ZBTB49: variants seen among roughly 807,000 people sequenced by gnomAD.
The protein encoded by ZBTB49 is zinc finger and BTB domain-containing protein 49.
ZBTB49 carries 43 observed loss-of-function variants against 57.5 expected under a neutral mutation model. The observed-to-expected ratio is 0.75, with a 90% confidence interval of 0.59 to 0.97. The LOEUF is 0.97. Ranked by LOEUF, ZBTB49 falls within the 50% of genes least tolerant of loss-of-function variation. The pLI is 0.00. For missense variants in ZBTB49, 938 were observed against 947.7 expected, an observed-to-expected ratio of 0.99 and a Z score of 0.13; for synonymous variants, 369 against 362.1, an observed-to-expected ratio of 1.02 and a Z score of -0.22.
chr4:4,301,698 T>TC, intron 2 of ZBTB49, among the ~76,000 whole-genome samples: 1 of 152,156 alleles, frequency 6.6e-6, no homozygotes, highest in Non-Finnish European at 1.5e-5. Context: ...TTGTGGTTTA[T>TC]CAGTCATATA....
chr4:4,299,776 GGTGT>G (rs33911857), intron 1 of ZBTB49, among the ~76,000 whole-genome samples, 147 bp from the exon 2 acceptor site: 129 of 103,736 alleles, frequency 1.2e-3, no homozygotes, highest in East Asian at 3.9e-3. Flanking sequence ...CAGAAACAGA[GGTGT>G]GTGTGTGTGT....
chr4:4,297,412 A>G (rs777980583), intron 1 of ZBTB49, among the ~76,000 whole-genome samples: 10 of 152,154 alleles, frequency 6.6e-5, no homozygotes, highest in Non-Finnish European at 1.2e-4. Flanking sequence ...AGCCATTTTT[A>G]TGAGTGAGGG....
chr4:4,318,562 C>T (rs1721279390), intron 7 of ZBTB49, among the ~76,000 whole-genome samples: 1 of 152,112 alleles, frequency 6.6e-6, no homozygotes, highest in African/African-American at 2.4e-5. Flanking sequence ...GAGCCGAGAT[C>T]GTGCCACTGC....
chr4:4,320,774 T>G lies in ZBTB49; in HGVS notation c.1756T>G (p.Cys586Gly). 1 of 1,614,210 alleles carries G rather than the reference T, an allele frequency of 6.2e-7. No individual in the cohort carries two copies. Among genetic ancestry groups the G allele is most frequent in the Non-Finnish European group, 8.5e-7 (1 of 1,180,038 alleles). The change falls in exon 8 of 8, where the codon TGC becomes GGC. Residue 586 changes from cysteine to glycine, a missense_variant. Physicochemically the swap from Cys to Gly is radical, Grantham distance 159. Transcript: ENST00000337872. ...AVLRRHKKMHCKAGDESPDVL... is the reference protein window; with the variant it reads ...AVLRRHKKMHGKAGDESPDVL... ...GCTCCGGCGGCACAAGAAGATGCAC[T>G]GCAAAGCTGGTGACGAGAGCCCAGA... is the stretch of plus-strand genomic sequence containing the variant.
rs144307340 is a variant in ZBTB49 at position 4,303,056 on chromosome 4, C to T, written c.1220C>T (p.Pro407Leu). The T allele has an allele frequency of 5.6e-5, 90 of 1,610,920 alleles. No homozygotes were observed. The African/African-American group carries it at 1.1e-3, about 20-fold the overall frequency. ...CELCGKPFKHPSNLELHKRSH... is the reference protein window; with the variant it reads ...CELCGKPFKHLSNLELHKRSH... ...TTATGCGGGAAACCTTTTAAACACCCAAGCAACTTGGAGCTTCACAAACGG... is the reference window on the plus strand; with the variant it reads ...TTATGCGGGAAACCTTTTAAACACCTAAGCAACTTGGAGCTTCACAAACGG... Residue 407 changes from proline to leucine, a missense_variant, in exon 3 of 8, where the codon CCA becomes CTA. Physicochemically the swap from Pro to Leu is moderately conservative, Grantham distance 98. Coordinates refer to ENST00000337872, the MANE Select transcript of ZBTB49 (RefSeq NM_145291.4).
Position 4,299,936 on chromosome 4 carries a change from A to G in ZBTB49, c.-10A>G. ...TGATTTTTTGCTGTAGGTCACCTGA[A>G]TGGTTGAGCATGGACCCTGTTGCTA... On this transcript the variant is annotated 5_prime_UTR_variant, in exon 2 of 8. The change abolishes an upstream ATG in the 5' untranslated region. Transcript: ENST00000337872. 9.9e-6 allele frequency: 16 copies of G among 1,613,430 alleles called. No homozygotes were observed. Among genetic ancestry groups the G allele is most frequent in the Non-Finnish European group, 1.4e-5 (16 of 1,179,694 alleles).
At chr4:4,291,127 G>C (rs546512527) in intron 1 of ZBTB49, among the ~76,000 whole-genome samples, 2 of 152,318 alleles carry the variant, frequency 1.3e-5, no homozygotes, top group Admixed American at 1.3e-4. Flanking sequence ...GAGCAGTGTT[G>C]GGCCTGGAAT....
At chr4:4,297,426 G>C (rs995645595) in intron 1 of ZBTB49, among the ~76,000 whole-genome samples, 1 of 152,176 alleles carries the variant, frequency 6.6e-6, no homozygotes, top group African/African-American at 2.4e-5. Context: ...GTGAGGGAAA[G>C]AGACGTGATG....
chr4:4,315,439 C>CTT (rs1328234654), intron 5 of ZBTB49, among the ~76,000 whole-genome samples, 197 bp from the exon 6 acceptor site: 5 of 152,094 alleles, frequency 3.3e-5, no homozygotes, highest in African/African-American at 4.8e-5. Context: ...AAACAAGACA[C>CTT]TTGCATCATG....
chr4:4,320,880 C>A lies in ZBTB49; in HGVS notation c.1862C>A (p.Thr621Lys). ...SQSSDSFSQD[T>K]SVTLMPVSVK... ...AGCTCAGACTCTTTCTCCCAAGACA[C>A]GTCTGTGACGCTGATGCCAGTGTCG... The change falls in exon 8 of 8, where the codon ACG (threonine) becomes AAG (lysine). Residue 621 changes from threonine (T) to lysine (K), a missense_variant. Thr to Lys is a moderately conservative substitution (Grantham distance 78). Transcript: ENST00000337872. 6.2e-6 allele frequency: 10 copies of A among 1,614,198 alleles called. No homozygotes were observed. Among genetic ancestry groups the A allele is most frequent in the Non-Finnish European group, 8.5e-6 (10 of 1,180,032 alleles).
chr4:4,303,018 A>G lies in ZBTB49; in HGVS notation c.1182A>G (p.Gln394=), dbSNP rs1227056603. The G allele has an allele frequency of 4.3e-6, 7 of 1,614,018 alleles. No homozygotes were observed. The highest frequency in any genetic ancestry group is 2.7e-5 in the African/African-American group (2 of 74,926). ...DQSQTLQSQR[Q]YACELCGKPF... is the part of the protein sequence containing the mutation. ...CCCAGACACTTCAGTCCCAGAGACA[A>G]TACGCGTGTGAATTATGCGGGAAAC... Residue 394 remains glutamine (Q), a synonymous_variant, in exon 3 of 8, where the codon CAA becomes CAG. Transcript: ENST00000337872.
Position 4,315,809 on chromosome 4 carries a change from G to C in ZBTB49, c.1460G>C (p.Gly487Ala). The change falls in exon 7 of 8, where the codon GGG (glycine) becomes GCG (alanine). Residue 487 changes from glycine (G) to alanine (A), a missense_variant and splice_region_variant. Around this residue, in one of 3 missense-constraint regions of ZBTB49, gnomAD observed 835 missense variants for 819.1 expected, o/e 1.02. Transcript: ENST00000337872. ...KPHLCDICGRGFSNFSNLKEH... is the reference protein window; with the variant it reads ...KPHLCDICGRAFSNFSNLKEH... ...TTAACACCTGTTATGGTCTCTCTAG[G>C]GTTTAGTAACTTCAGTAATTTGAAG... The C allele has an allele frequency of 6.2e-7, 1 of 1,614,154 alleles. No individual in the cohort carries two copies. The highest frequency in any genetic ancestry group is 8.5e-7 in the Non-Finnish European group (1 of 1,180,022).
At chr4:4,296,250 C>CG (rs763999649) in intron 1 of ZBTB49, among the ~76,000 whole-genome samples, 4 of 152,124 alleles carry the variant, frequency 2.6e-5, no homozygotes, top group Non-Finnish European at 5.9e-5. Context: ...AAGTCACTGT[C>CG]GGGAAAGTCT....
chr4:4,309,318 G>A (rs1007802193), intron 4 of ZBTB49, among the ~76,000 whole-genome samples: 1 of 152,190 alleles, frequency 6.6e-6, no homozygotes, highest in African/African-American at 2.4e-5. Context: ...CTGCAGGGAA[G>A]AGTCATGTCA....
intron 5 of ZBTB49, 80 bp downstream of exon 5, chr4:4,313,194 TG>T: frequency 6.5e-7 from 1 of 1,547,722 alleles, no homozygotes; most frequent in South Asian, 1.2e-5. Context: ...TCTTCTGAAG[TG>T]GTGGCTCACA....
rs755176522 is a variant in ZBTB49 at position 4,301,564 on chromosome 4, TTTAA to T, written c.153-422_153-419del. On this transcript the variant is annotated intron_variant, in intron 2 of 7. Coordinates refer to ENST00000337872, the MANE Select transcript of ZBTB49 (RefSeq NM_145291.4). ...ATGAAATAGTGAAAAGTATATATTA[TTTAA>T]TTTTGTGTACTCTATTAGTATGTAT... Among the ~76,000 whole-genome samples the T allele has an allele frequency of 2.2e-3, 329 of 152,208 alleles. 3 individuals carry two copies. Among genetic ancestry groups the T allele is most frequent in the Non-Finnish European group, 2.8e-3 (188 of 68,038 alleles).
At position 4,302,120 on chromosome 4, in the gene ZBTB49, A is replaced by G. The variant is rs1380123913; in HGVS notation, c.284A>G (p.Gln95Arg). 3.1e-6 allele frequency: 5 copies of G among 1,614,252 alleles called. No homozygotes were observed. The highest frequency in any genetic ancestry group is 1.1e-5 in the South Asian group (1 of 91,092). Residue 95 changes from glutamine (Q) to arginine (R), a missense_variant, in exon 3 of 8, where the codon CAA becomes CGA. Coordinates refer to ENST00000337872, the MANE Select transcript of ZBTB49 (RefSeq NM_145291.4). ...CTAGATCTTAACCAGGACAATATAC[A>G]AGTAATGCTGGACACAGCACAGTGT... ...SHLDLNQDNIQVMLDTAQCLQ... is the reference protein window; with the variant it reads ...SHLDLNQDNIRVMLDTAQCLQ...
intron 1 of ZBTB49, among the ~76,000 whole-genome samples, chr4:4,298,054 A>C (rs889024799): frequency 5.9e-5 from 9 of 152,224 alleles, no homozygotes; most frequent in African/African-American, 2.2e-4. Flanking sequence ...CTTACGGATT[A>C]TTACAGAATC....
intron 3 of ZBTB49, among the ~76,000 whole-genome samples, chr4:4,304,990 G>A (rs1345799071): frequency 6.6e-6 from 1 of 152,112 alleles, no homozygotes; most frequent in Non-Finnish European, 1.5e-5. Context: ...ACTGGAGTAG[G>A]ATTGTTAACC....
Sources: allele counts gnomAD v4.1 joint callset (sites outside exome capture counted in the v4.1 genomes callset), GRCh38; gene constraint gnomAD v4.1.1; regional missense constraint gnomAD v4.1.1; transcripts MANE v1.5; gene names NCBI Gene and HGNC (gene_info 2026-07-23, HGNC 2026-07-21).